The following PDE3B variants were observed in gnomAD, a reference collection of about 807,000 sequenced individuals.
The protein encoded by PDE3B is cGMP-inhibited 3',5'-cyclic phosphodiesterase 3B.
In PDE3B, 66 loss-of-function variants were observed where a neutral mutation model predicts 116.8. That is an observed-to-expected ratio of 0.56 (90% CI 0.46 to 0.69). The LOEUF is 0.69. PDE3B is among the 30% of genes least tolerant of loss of function. PDE3B has a pLI of 0.00. For missense variants in PDE3B, 1,384 were observed against 1,368.1 expected (o/e 1.01, Z -0.18); for synonymous variants, 595 against 533.6 (o/e 1.12, Z -1.59).
Position 14,771,992 on chromosome 11 carries a change from GT to G in PDE3B, c.1029+6del, listed in dbSNP as rs1278119294. On this transcript the variant is annotated splice_donor_region_variant and intron_variant, in intron 2 of 15. Transcript: ENST00000282096. ...TGGTATAAGCCTCATTATCAAGTAA[GT>G]ATAATTAATATCTGTGATGAATATC... is the stretch of plus-strand genomic sequence containing the variant. 1 of 1,164,772 alleles carries G rather than the reference GT, an allele frequency of 8.6e-7. No homozygotes were observed. Among genetic ancestry groups the G allele is most frequent in the Non-Finnish European group, 1.2e-6 (1 of 816,944 alleles). 72.2% of individuals were successfully genotyped at this position (1,164,772 alleles called of 1,614,324 possible).
rs372435413 is a variant in PDE3B at position 14,795,699 on chromosome 11, G to A, written c.1415+6457G>A. ...CTTGACTATTAATCATAGAATCAGGGAGTGGGCTTTGGTAGAATACACAGA... is the reference window on the plus strand; with the variant it reads ...CTTGACTATTAATCATAGAATCAGGAAGTGGGCTTTGGTAGAATACACAGA... On this transcript the variant is annotated intron_variant, in intron 4 of 15. Transcript: ENST00000282096. 8.5e-5 allele frequency among the ~76,000 whole-genome samples: 13 copies of A among 152,180 alleles called. No homozygotes were observed. The East Asian group carries it at 1.5e-3, about 18-fold the overall frequency.
intron 7 of PDE3B, among the ~76,000 whole-genome samples, chr11:14,824,879 A>G (rs1263672264): frequency 6.6e-6 from 1 of 152,190 alleles, no homozygotes; most frequent in Non-Finnish European, 1.5e-5. Flanking sequence ...AAAGGCAGCT[A>G]GAAAGGGCAG....
At chr11:14,843,615 A>T (rs1045338065) in intron 11 of PDE3B, among the ~76,000 whole-genome samples, 1 of 152,212 alleles carries the variant, frequency 6.6e-6, no homozygotes, top group Non-Finnish European at 1.5e-5. Context: ...CTTGTAAAGT[A>T]AGCAACTTCA....
chr11:14,663,512 C>G (rs2133766759), intron 1 of PDE3B, among the ~76,000 whole-genome samples: 1 of 150,056 alleles, frequency 6.7e-6, no homozygotes, highest in East Asian at 2.0e-4. Flanking sequence ...ACACTCCTCA[C>G]TTCAAAAAAC....
intron 1 of PDE3B, among the ~76,000 whole-genome samples, chr11:14,682,307 T>G (rs1854734958): frequency 6.6e-6 from 1 of 152,174 alleles, no homozygotes; most frequent in Non-Finnish European, 1.5e-5. Flanking sequence ...ACAGTTTGAT[T>G]TCTTTCTTTC....
chr11:14,654,377 C>G (rs1370331195), intron 1 of PDE3B, among the ~76,000 whole-genome samples: 1 of 152,068 alleles, frequency 6.6e-6, no homozygotes, highest in African/African-American at 2.4e-5. Context: ...ACAGTGGAAT[C>G]CATAAAGCAG....
chr11:14,659,874 G>A (rs1428611634), intron 1 of PDE3B, among the ~76,000 whole-genome samples: 1 of 152,116 alleles, frequency 6.6e-6, no homozygotes, highest in Non-Finnish European at 1.5e-5. Flanking sequence ...TGAAAAGTAA[G>A]GATTGTCATT....
chr11:14,760,465 A>G (rs1423003566), intron 1 of PDE3B, among the ~76,000 whole-genome samples: 1 of 152,214 alleles, frequency 6.6e-6, no homozygotes, highest in African/African-American at 2.4e-5. Flanking sequence ...CATCTGATTT[A>G]TATTAATAAT....
chr11:14,685,360 A>G (rs1342785211), intron 1 of PDE3B, among the ~76,000 whole-genome samples: 2 of 150,536 alleles, frequency 1.3e-5, no homozygotes, highest in African/African-American at 4.9e-5. Context: ...AATGTTCTAT[A>G]TCCTCCCTAA....
Position 14,834,982 on chromosome 11 carries a change from A to T in PDE3B, c.2207A>T (p.Tyr736Phe). Residue 736 changes from tyrosine (Y) to phenylalanine (F), a missense_variant and splice_region_variant, in exon 11 of 16, where the codon TAT becomes TTT. By Grantham distance (22) the Tyr-to-Phe change is conservative (BLOSUM62 3). Coordinates refer to ENST00000282096, the MANE Select transcript of PDE3B (RefSeq NM_000922.4). Reference sequence around the variant, plus strand: ...CAGAAAAACGTTTTGGTGACTTTAGATCACAATCGTATACATGCCACAGAT... The same window carrying T: ...CAGAAAAACGTTTTGGTGACTTTAGTTCACAATCGTATACATGCCACAGAT... ...ALENGYRDIP[Y>F]HNRIHATDVL... The T allele has an allele frequency of 6.3e-7, 1 of 1,587,898 alleles. No individual in the cohort carries two copies. The highest frequency in any genetic ancestry group is 8.6e-7 in the Non-Finnish European group (1 of 1,164,042).
intron 1 of PDE3B, among the ~76,000 whole-genome samples, chr11:14,666,181 G>T (rs1854138897): frequency 6.7e-6 from 1 of 148,862 alleles, no homozygotes; most frequent in Admixed American, 6.7e-5. Flanking sequence ...AAGCAATGGG[G>T]AAAGGATTCC....
rs185863104 is a variant in PDE3B at position 14,818,513 on chromosome 11, G to T, written c.1733+120G>T. On this transcript the variant is annotated intron_variant, in intron 6 of 15. Coordinates refer to ENST00000282096, the MANE Select transcript of PDE3B (RefSeq NM_000922.4). ...AAGCTAAATGACCATAGTTTTTTTC[G>T]GTGTTATAATGAAATGACATTATTT... The T allele has an allele frequency of 1.4e-5, 9 of 640,692 alleles. No individual in the cohort carries two copies. In the East Asian group the frequency reaches 2.2e-4, roughly 16 times the overall value. The allele number at this position is 640,692 out of a possible 1,614,324, so 39.7% of individuals were successfully genotyped here. A position where few individuals can be genotyped will look rare whatever the true frequency, so the allele number is the denominator to read the frequency against.
At chr11:14,805,596 T>C (rs141331763) in intron 5 of PDE3B, among the ~76,000 whole-genome samples, 144 of 152,330 alleles carry the variant, frequency 9.5e-4, no homozygotes, top group African/African-American at 3.2e-3. Flanking sequence ...GAAAAAATCT[T>C]TTAGTAAATC....
intron 12 of PDE3B, among the ~76,000 whole-genome samples, chr11:14,852,494 T>A (rs1847773026): frequency 6.6e-6 from 1 of 152,260 alleles, no homozygotes. Flanking sequence ...TTATACAAGT[T>A]GCATACTCAA....
At chr11:14,715,573 G>C (rs557670108) in intron 1 of PDE3B, among the ~76,000 whole-genome samples, 112 of 152,228 alleles carry the variant, frequency 7.4e-4, no homozygotes, top group Admixed American at 2.9e-3. Flanking sequence ...TGTGTTATTG[G>C]TGTATAAGAA....
intron 11 of PDE3B, among the ~76,000 whole-genome samples, chr11:14,839,464 A>C (rs966051111): frequency 6.6e-6 from 1 of 152,362 alleles, no homozygotes; most frequent in African/African-American, 2.4e-5. Flanking sequence ...ACACAGGATA[A>C]GTAGATCCTG....
At chr11:14,698,750 A>G (rs1590070523) in intron 1 of PDE3B, 1 of 151,976 alleles carries the variant, frequency 6.6e-6, no homozygotes, top group East Asian at 1.9e-4. Context: ...AAATTTGTGA[A>G]ATAGTCATCA....
intron 1 of PDE3B, among the ~76,000 whole-genome samples, chr11:14,721,303 G>A (rs988922433): frequency 6.6e-6 from 1 of 152,064 alleles, no homozygotes; most frequent in Non-Finnish European, 1.5e-5. Flanking sequence ...TGGAGAAATA[G>A]GAACACTTTT....
chr11:14,892,094 C>T, the PDE3B span: 31 of 1,611,638 alleles, frequency 1.9e-5, no homozygotes, highest in Non-Finnish European at 2.6e-5. Flanking sequence ...GGGGGGAAGC[C>T]CATCGGCCGC....
Sources: gnomAD v4.1 joint callset for allele counts (sites outside exome capture counted in the v4.1 genomes callset) on GRCh38, gnomAD v4.1.1 for gene constraint, MANE v1.5 for transcripts, NCBI Gene and HGNC (gene_info 2026-07-23, HGNC 2026-07-21) for gene names.